Variants in GALNTL6 observed in about 807,000 individuals in gnomAD.
GALNTL6 encodes the protein polypeptide N-acetylgalactosaminyltransferase like 6.
A neutral mutation model predicts 73.7 loss-of-function variants in GALNTL6; 46 were observed. The ratio of observed to expected loss-of-function variants is 0.62; its 90% CI spans 0.49 to 0.80. The LOEUF is 0.80. GALNTL6 is among the 30% of genes least tolerant of loss of function. The pLI, the probability that GALNTL6 is intolerant of heterozygous loss-of-function variation, is 0.00. For synonymous variants in GALNTL6, 259 were observed against 263.7 expected (o/e 0.98, Z 0.17); for missense variants, 604 against 755.0 (o/e 0.80, Z 2.34).
intron 2 of GALNTL6, among the ~76,000 whole-genome samples, chr4:171,905,795 C>T (rs1737257642): frequency 6.6e-6 from 1 of 151,908 alleles, no homozygotes; most frequent in South Asian, 2.1e-4. Flanking sequence ...CACACTATCT[C>T]TCAGACCACA....
At position 172,238,287 on chromosome 4, in the gene GALNTL6, T is replaced by A. The variant is rs1415559145; in HGVS notation, c.247+8523T>A. Among the ~76,000 whole-genome samples the A allele has an allele frequency of 3.9e-5, 6 of 152,324 alleles. No homozygotes were observed. In the East Asian group the frequency reaches 1.2e-3, roughly 29 times the overall value. ...ATCTCTGATTTCTTTGAGCAATGTT[T>A]TGTAATCCTCATTTTAGAGATCTTT... On this transcript the variant is annotated intron_variant, in intron 3 of 12. Coordinates refer to ENST00000506823, the MANE Select transcript of GALNTL6 (RefSeq NM_001034845.3).
chr4:172,339,452 C>A (rs1357242188), intron 4 of GALNTL6, among the ~76,000 whole-genome samples: 2 of 152,108 alleles, frequency 1.3e-5, no homozygotes, highest in Non-Finnish European at 2.9e-5. Flanking sequence ...TCTACATTTC[C>A]TGCTCAATTC....
chr4:172,305,803 A>G (rs560427984), intron 3 of GALNTL6, among the ~76,000 whole-genome samples: 54 of 152,306 alleles, frequency 3.5e-4, no homozygotes, highest in Non-Finnish European at 7.5e-4. Flanking sequence ...CTAGTATGCC[A>G]TAATTGGTGA....
At chr4:172,701,632 C>T (rs900771077) in intron 5 of GALNTL6, among the ~76,000 whole-genome samples, 31 of 152,006 alleles carry the variant, frequency 2.0e-4, no homozygotes, top group Non-Finnish European at 1.2e-4. Flanking sequence ...TAGTTATAAT[C>T]GGAATAGGAC....
intron 2 of GALNTL6, among the ~76,000 whole-genome samples, chr4:172,043,437 T>G (rs1370509541): frequency 6.6e-6 from 1 of 152,092 alleles, no homozygotes; most frequent in African/African-American, 2.4e-5. Flanking sequence ...CAGACTTTAT[T>G]AAAAGATGGT....
intron 5 of GALNTL6, among the ~76,000 whole-genome samples, chr4:172,445,096 G>A (rs1413430682): frequency 1.3e-5 from 2 of 152,134 alleles, no homozygotes; most frequent in Non-Finnish European, 2.9e-5. Context: ...CCTATAACCA[G>A]GGCACTATTC....
intron 2 of GALNTL6, among the ~76,000 whole-genome samples, chr4:171,832,655 A>G (rs993857652): frequency 4.0e-5 from 6 of 151,790 alleles, no homozygotes; most frequent in African/African-American, 1.4e-4. Flanking sequence ...CAAACATCAT[A>G]TTATTCCCTG....
At chr4:172,751,096 G>A (rs1441914787) in intron 5 of GALNTL6, among the ~76,000 whole-genome samples, 1 of 152,124 alleles carries the variant, frequency 6.6e-6, no homozygotes, top group Non-Finnish European at 1.5e-5. Context: ...AGGCATATGT[G>A]GTTTGTGGTA....
intron 2 of GALNTL6, among the ~76,000 whole-genome samples, chr4:172,174,504 G>A (rs772654071): frequency 3.3e-5 from 5 of 152,036 alleles, no homozygotes; most frequent in Non-Finnish European, 5.9e-5. Flanking sequence ...ATTACTTTAT[G>A]TGAAATTTAG....
chr4:171,987,434 T>C (rs931805377), intron 2 of GALNTL6, among the ~76,000 whole-genome samples: 5 of 152,144 alleles, frequency 3.3e-5, no homozygotes, highest in African/African-American at 1.2e-4. Context: ...ATGACTGCGG[T>C]GGCCTTCTCA....
intron 9 of GALNTL6, among the ~76,000 whole-genome samples, chr4:172,950,488 G>A (rs561363571): frequency 2.6e-5 from 4 of 152,194 alleles, no homozygotes; most frequent in South Asian, 2.1e-4. Flanking sequence ...GGTGCCCACC[G>A]TCCACCAAAA....
intron 5 of GALNTL6, among the ~76,000 whole-genome samples, chr4:172,494,369 C>T (rs1280681731): frequency 2.0e-5 from 3 of 152,162 alleles, no homozygotes; most frequent in Non-Finnish European, 4.4e-5. Flanking sequence ...CTTTCTCATA[C>T]TCTCATGACA....
intron 10 of GALNTL6, among the ~76,000 whole-genome samples, chr4:172,978,648 A>G (rs1489897045): frequency 6.6e-6 from 1 of 152,244 alleles, no homozygotes; most frequent in East Asian, 1.9e-4. Context: ...TTCCATATTG[A>G]AATAACTTCT....
intron 2 of GALNTL6, among the ~76,000 whole-genome samples, chr4:171,921,381 A>G (rs986762906): frequency 2.0e-5 from 3 of 152,090 alleles, no homozygotes; most frequent in African/African-American, 7.2e-5. Flanking sequence ...CTATCCGTCT[A>G]TCTACCTTGT....
chr4:171,937,700 A>G (rs892994672), intron 2 of GALNTL6, among the ~76,000 whole-genome samples: 1 of 152,168 alleles, frequency 6.6e-6, no homozygotes, highest in Non-Finnish European at 1.5e-5. Context: ...TTCTGATCAA[A>G]GAGTCTTCCA....
intron 2 of GALNTL6, among the ~76,000 whole-genome samples, chr4:172,072,609 A>G (rs916585885): frequency 1.3e-5 from 2 of 152,150 alleles, no homozygotes; most frequent in Non-Finnish European, 2.9e-5. Context: ...CTCCCAAACC[A>G]TATACTTCCC....
intron 5 of GALNTL6, among the ~76,000 whole-genome samples, chr4:172,708,893 T>C (rs1734525035): frequency 6.6e-6 from 1 of 152,202 alleles, no homozygotes; most frequent in South Asian, 2.1e-4. Context: ...GTGCATTTGT[T>C]ATTTGAGATG....
intron 5 of GALNTL6, among the ~76,000 whole-genome samples, chr4:172,750,074 T>TA (rs1365281975): frequency 3.3e-5 from 5 of 152,226 alleles, no homozygotes; most frequent in African/African-American, 9.6e-5. Context: ...CACAATCTTT[T>TA]AAAAATTTAT....
intron 2 of GALNTL6, among the ~76,000 whole-genome samples, chr4:171,853,109 C>T (rs561471926): frequency 1.3e-5 from 2 of 150,600 alleles, no homozygotes; most frequent in Non-Finnish European, 3.0e-5. Flanking sequence ...GTGATCCGCC[C>T]GCTTCAGCCT....
Sources: allele counts gnomAD v4.1 joint callset (sites outside exome capture counted in the v4.1 genomes callset), GRCh38; gene constraint gnomAD v4.1.1; transcripts MANE v1.5; gene names NCBI Gene and HGNC (gene_info 2026-07-23, HGNC 2026-07-21).